The following PDCD6IP variants were observed in gnomAD, a reference collection of about 807,000 sequenced individuals.
PDCD6IP encodes the protein programmed cell death 6 interacting protein, also known as programmed cell death 6-interacting protein.
Under a neutral mutation model 103.7 loss-of-function variants are expected in PDCD6IP, and 43 were observed. The observed-to-expected ratio is 0.41, with a 90% CI of 0.32 to 0.53. The LOEUF is 0.53. Ranked by LOEUF, PDCD6IP falls within the 20% of genes least tolerant of loss-of-function variation. The pLI is 0.16. For synonymous variants in PDCD6IP, 354 were observed against 378.7 expected, an observed-to-expected ratio of 0.93 and a Z score of 0.76; for missense variants, 871 against 1,036.7, an observed-to-expected ratio of 0.84 and a Z score of 2.20.
At chr3:33,800,119 C>CAAAAAAAA (rs1173163869) in intron 1 of PDCD6IP, among the ~76,000 whole-genome samples, 8 of 50,886 alleles carry the variant, frequency 1.6e-4, no homozygotes, top group African/African-American at 5.2e-4. Context: ...GACTCCATCT[C>CAAAAAAAA]AAAAAAAAAA....
rs1697376605 is a variant in PDCD6IP, at chr3:33,837,539, G to A, written c.1058-665G>A. On this transcript the variant is annotated intron_variant, in intron 8 of 17. Coordinates refer to ENST00000307296, the MANE Select transcript of PDCD6IP (RefSeq NM_013374.6). The stretch of plus-strand genomic sequence containing the variant: ...TAATTTCCTCAAGGTCACATAGCTA[G>A]GAAGTGTTGGAGCCAGAAATGGAAT... Among the ~76,000 whole-genome samples, 3 of 152,076 alleles carry A rather than the reference G, an allele frequency of 2.0e-5. No homozygotes were observed. In the South Asian group the frequency reaches 6.2e-4, roughly 31 times the overall value.
intron 8 of PDCD6IP, among the ~76,000 whole-genome samples, chr3:33,836,603 C>A (rs1476551343): frequency 2.0e-5 from 3 of 151,852 alleles, no homozygotes; most frequent in Non-Finnish European, 2.9e-5. Flanking sequence ...CACCTGTAAT[C>A]CTAGCACTTT....
At chr3:33,852,090 C>G (rs1697726675) in intron 12 of PDCD6IP, among the ~76,000 whole-genome samples, 1 of 152,212 alleles carries the variant, frequency 6.6e-6, no homozygotes, top group Admixed American at 6.5e-5. Flanking sequence ...CAAATTTCAC[C>G]TCTGCCCCTT....
chr3:33,807,289 C>T (rs1463388759), intron 1 of PDCD6IP, among the ~76,000 whole-genome samples: 2 of 152,194 alleles, frequency 1.3e-5, no homozygotes, highest in Non-Finnish European at 2.9e-5. Context: ...GCTCAGCTGC[C>T]TGTTTTTGTA....
chr3:33,811,904 C>T (rs1696727184), intron 1 of PDCD6IP, among the ~76,000 whole-genome samples, 168 bp from the exon 2 acceptor site: 1 of 152,122 alleles, frequency 6.6e-6, no homozygotes, highest in Non-Finnish European at 1.5e-5. Context: ...TTTTTCACTG[C>T]ATATATTTTT....
chr3:33,859,126 A>G (rs897424657), intron 15 of PDCD6IP, among the ~76,000 whole-genome samples: 14 of 152,278 alleles, frequency 9.2e-5, no homozygotes, highest in Admixed American at 6.5e-4. Context: ...ATTCAAATAC[A>G]TACGTGAATT....
At chr3:33,811,437 G>A (rs763931276) in intron 1 of PDCD6IP, among the ~76,000 whole-genome samples, 10 of 152,312 alleles carry the variant, frequency 6.6e-5, no homozygotes, top group Middle Eastern at 3.4e-3. Context: ...AGGCCAGTTA[G>A]AAAGCTTGGC....
intron 1 of PDCD6IP, among the ~76,000 whole-genome samples, chr3:33,810,249 A>G (rs1030470742): frequency 2.0e-5 from 3 of 152,072 alleles, no homozygotes; most frequent in African/African-American, 7.2e-5. Flanking sequence ...TCACCTGTTT[A>G]TTTACCTCCG....
In PDCD6IP at chr3:33,813,567, G is replaced by C; in HGVS notation, c.273G>C (p.Leu91Phe). 6.2e-7 allele frequency: 1 copy of C among 1,602,348 alleles called. No individual in the cohort carries two copies. Among genetic ancestry groups the C allele is most frequent in the Non-Finnish European group, 8.5e-7 (1 of 1,170,080 alleles). The change falls in exon 3 of 18, where the codon TTG becomes TTC. Residue 91 changes from leucine to phenylalanine, a missense_variant. Around this residue, in one of 5 missense-constraint regions of PDCD6IP, gnomAD observed 47 missense variants for 83.7 expected, o/e 0.56. Coordinates refer to ENST00000307296, the MANE Select transcript of PDCD6IP (RefSeq NM_013374.6). ...TCTTTCATTCTATCCAGATCTGCTTGACATTTACCTGGAAGGATGCTTTCG... is the reference window on the plus strand; with the variant it reads ...TCTTTCATTCTATCCAGATCTGCTTCACATTTACCTGGAAGGATGCTTTCG... ...KFPFSENQIC[L>F]TFTWKDAFDK...
Position 33,841,984 on chromosome 3 carries a change from T to C in PDCD6IP, c.1269T>C (p.Ser423=). The C allele has an allele frequency of 6.3e-7, 1 of 1,598,718 alleles. No homozygotes were observed. Among genetic ancestry groups the C allele is most frequent in the South Asian group, 1.1e-5 (1 of 90,776 alleles). ...VPQSILTKSR[S]VIEQGGIQTV... ...AGTCTATATTGACTAAATCCAGATC[T>C]GTGATTGAACAGGGAGGCATCCAGA... The change falls in exon 10 of 18, where the codon TCT becomes TCC. Residue 423 remains serine (S), a synonymous_variant. Coordinates refer to ENST00000307296, the MANE Select transcript of PDCD6IP (RefSeq NM_013374.6).
At chr3:33,799,674 CA>C (rs1165340672) in intron 1 of PDCD6IP, 1 of 152,166 alleles carries the variant, frequency 6.6e-6, no homozygotes, top group Non-Finnish European at 1.5e-5. Flanking sequence ...GTTATAAGAA[CA>C]TTTTTTACGA....
At chr3:33,866,294 G>A in intron 17 of PDCD6IP, 57 bp from the exon 18 acceptor site, 1 of 1,078,616 alleles carries the variant, frequency 9.3e-7, no homozygotes. Flanking sequence ...AATGATTATT[G>A]TTTTATTTTT....
At chr3:33,856,518 T>TTC (rs1197703141) in intron 15 of PDCD6IP, among the ~76,000 whole-genome samples, 2 of 152,140 alleles carry the variant, frequency 1.3e-5, no homozygotes, top group African/African-American at 4.8e-5. Flanking sequence ...AAAACTGAAT[T>TTC]TCTCTCAGAA....
intron 13 of PDCD6IP, among the ~76,000 whole-genome samples, chr3:33,853,593 A>T (rs1461708304): frequency 6.6e-6 from 1 of 152,168 alleles, no homozygotes; most frequent in African/African-American, 2.4e-5. Flanking sequence ...AAATAACTCC[A>T]AAAGGTAAAA....
chr3:33,805,354 CAAA>C (rs11341586), intron 1 of PDCD6IP, among the ~76,000 whole-genome samples: 2 of 112,380 alleles, frequency 1.8e-5, no homozygotes, highest in Admixed American at 8.3e-5. Flanking sequence ...GATTCTGTCT[CAAA>C]AAAAAAAAAA....
chr3:33,833,250 A>G (rs1697278881), intron 7 of PDCD6IP, among the ~76,000 whole-genome samples: 1 of 152,166 alleles, frequency 6.6e-6, no homozygotes, highest in African/African-American at 2.4e-5. Context: ...GTCATAATCC[A>G]GTATTATCCA....
At chr3:33,809,835 T>G (rs1024286787) in intron 1 of PDCD6IP, among the ~76,000 whole-genome samples, 1 of 152,238 alleles carries the variant, frequency 6.6e-6, no homozygotes, top group African/African-American at 2.4e-5. Flanking sequence ...TAATTACTTT[T>G]TAGAATTTTC....
chr3:33,842,152 T>G, intron 10 of PDCD6IP, 78 bp downstream of exon 10: 1 of 913,272 alleles, frequency 1.1e-6, no homozygotes, highest in South Asian at 1.6e-5. Context: ...GACTGGAGAC[T>G]TCCTCATGCT....
At chr3:33,839,915 T>G (rs1393264074) in intron 9 of PDCD6IP, among the ~76,000 whole-genome samples, 2 of 152,246 alleles carry the variant, frequency 1.3e-5, no homozygotes, top group African/African-American at 4.8e-5. Flanking sequence ...AAGTGTCTAT[T>G]GAAATCTTTT....
Sources: allele counts gnomAD v4.1 joint callset (sites outside exome capture counted in the v4.1 genomes callset), GRCh38; gene constraint gnomAD v4.1.1; regional missense constraint gnomAD v4.1.1; transcripts MANE v1.5; gene names NCBI Gene and HGNC (gene_info 2026-07-23, HGNC 2026-07-21).